DAP3: variants seen among roughly 807,000 people sequenced by gnomAD.
DAP3 encodes the protein small ribosomal subunit protein mS29.
Under a neutral mutation model 51.9 loss-of-function variants are expected in DAP3, and 28 were observed. The ratio of observed to expected loss-of-function variants is 0.54; its 90% CI spans 0.40 to 0.74. DAP3 has a LOEUF of 0.74. Among genes scored for constraint, DAP3 ranks in the 30% least tolerant of loss-of-function variants. DAP3 has a pLI of 0.00. For missense variants in DAP3, 458 were observed against 483.5 expected (o/e 0.95, Z 0.49); for synonymous variants, 170 against 170.3 (o/e 1.00, Z 0.01).
chr1:155,704,781 A>G (rs1655737864), intron 1 of DAP3, among the ~76,000 whole-genome samples: 1 of 152,034 alleles, frequency 6.6e-6, no homozygotes, highest in Non-Finnish European at 1.5e-5. Context: ...AAATTTTGAG[A>G]ACAGCCTAGC....
chr1:155,718,776 A>G (rs1159299044), intron 3 of DAP3, among the ~76,000 whole-genome samples: 2 of 152,086 alleles, frequency 1.3e-5, no homozygotes, highest in Non-Finnish European at 2.9e-5. Context: ...ATATATATAT[A>G]TACCATTCAC....
chr1:155,737,055 A>G lies in DAP3; in HGVS notation c.1103A>G (p.His368Arg). The G allele has an allele frequency of 6.2e-7, 1 of 1,609,830 alleles. No individual in the cohort carries two copies. Among genetic ancestry groups the G allele is most frequent in the Non-Finnish European group, 8.5e-7 (1 of 1,176,228 alleles). The part of the protein sequence containing the change: ...QYYLENNWLQ[H>R]EKAPTEEGKK... ...TATTTGGAAAACAATTGGCTTCAAC[A>G]TGAGAAAGGTCCATCATTTAGTTTT... The change falls in exon 12 of 13, where the codon CAT (histidine) becomes CGT (arginine). Residue 368 changes from histidine to arginine, a missense_variant. Physicochemically the swap from His to Arg is conservative, Grantham distance 29. Coordinates refer to ENST00000368336, the MANE Select transcript of DAP3 (RefSeq NM_004632.4).
intron 1 of DAP3, among the ~76,000 whole-genome samples, chr1:155,697,730 T>C (rs781500896): frequency 1.2e-4 from 18 of 152,116 alleles, no homozygotes; most frequent in Non-Finnish European, 2.6e-4. Flanking sequence ...GACGTTGATA[T>C]TGATAAACAT....
At chr1:155,688,083 C>T (rs1326068561), upstream of DAP3, 1 of 1,589,394 alleles carries the variant, frequency 6.3e-7, no homozygotes, top group Non-Finnish European at 8.6e-7. Flanking sequence ...TGTCGGAGGC[C>T]GAGAGCGATG....
At chr1:155,725,562 TG>T in intron 5 of DAP3, 72 bp downstream of exon 5, 1 of 1,419,012 alleles carries the variant, frequency 7.0e-7, no homozygotes, top group Non-Finnish European at 9.9e-7. Flanking sequence ...ACAGAAGAAA[TG>T]AAAAAAAGTA....
At chr1:155,717,211 T>C (rs1238732393) in intron 3 of DAP3, 83 bp downstream of exon 3, 10 of 1,569,506 alleles carry the variant, frequency 6.4e-6, no homozygotes, top group Non-Finnish European at 8.6e-6. Flanking sequence ...AAACTGAAAC[T>C]GAAAGAAGCT....
chr1:155,688,294 T>C (rs2666826), upstream of DAP3: 514,605 of 1,572,920 alleles, frequency 0.33, 95,258 homozygotes, highest in East Asian at 0.72. Context: ...CTGGGATCGT[T>C]TCCCCTCGCA....
At chr1:155,689,923 A>G (rs920911135) in intron 1 of DAP3, among the ~76,000 whole-genome samples, 1 of 151,994 alleles carries the variant, frequency 6.6e-6, no homozygotes, top group Middle Eastern at 3.2e-3. Flanking sequence ...ACACACACAC[A>G]CACACGAAAT....
intron 4 of DAP3, 115 bp downstream of exon 4, chr1:155,721,733 A>C: frequency 1.0e-6 from 1 of 985,480 alleles, no homozygotes; most frequent in Non-Finnish European, 1.6e-6. Context: ...TCTGAAAAAC[A>C]GAAATTCATG....
intron 1 of DAP3, among the ~76,000 whole-genome samples, chr1:155,703,113 T>C (rs554570755): frequency 2.3e-4 from 35 of 152,360 alleles, no homozygotes; most frequent in African/African-American, 8.4e-4. Flanking sequence ...TTTTCAAGAA[T>C]ACTTGGGCTA....
intron 3 of DAP3, among the ~76,000 whole-genome samples, 155 bp downstream of exon 3, chr1:155,717,283 C>T (rs548264051): frequency 6.6e-6 from 1 of 152,242 alleles, no homozygotes; most frequent in East Asian, 1.9e-4. Context: ...CCAGATTCTC[C>T]CTGTCCCTGT....
intron 1 of DAP3, among the ~76,000 whole-genome samples, chr1:155,697,289 C>T (rs879298369): frequency 1.2e-4 from 18 of 152,214 alleles, no homozygotes; most frequent in East Asian, 7.7e-4. Context: ...GTGGCCATTC[C>T]GGACATTTCT....
rs1348964961 is a variant in DAP3 at position 155,716,986 on chromosome 1, T to C, written c.46-20T>C. The C allele has an allele frequency of 1.9e-6, 3 of 1,602,732 alleles. No homozygotes were observed. The highest frequency in any genetic ancestry group is 1.1e-5 in the South Asian group (1 of 88,760). ...AAAAAGTTTGATAACCCCGTAACAC[T>C]GAAATGGTTTCTCTTATAGTTGGAC... On this transcript the variant is annotated intron_variant, in intron 2 of 12. Transcript: ENST00000368336.
At chr1:155,729,402 ATTTCTGATT>A in intron 9 of DAP3, 36 bp downstream of exon 9, 1 of 1,608,074 alleles carries the variant, frequency 6.2e-7, no homozygotes, top group Non-Finnish European at 8.5e-7. Context: ...TGTTTCTCTG[ATTTCTGATT>A]CCATCAGTAT....
At chr1:155,731,840 T>C in intron 10 of DAP3, 104 bp from the exon 11 acceptor site, 2 of 1,191,844 alleles carry the variant, frequency 1.7e-6, no homozygotes. Context: ...CACACTTTTG[T>C]AACACTGTAT....
At chr1:155,704,840 G>A (rs1320502910) in intron 1 of DAP3, among the ~76,000 whole-genome samples, 8 of 152,076 alleles carry the variant, frequency 5.3e-5, no homozygotes, top group Non-Finnish European at 1.0e-4. Flanking sequence ...ATAAGCTGGC[G>A]TGGTGGCGGG....
chr1:155,734,117 A>G (rs1659517955), intron 11 of DAP3, among the ~76,000 whole-genome samples: 1 of 152,028 alleles, frequency 6.6e-6, no homozygotes, highest in Non-Finnish European at 1.5e-5. Flanking sequence ...TGATTTTGCC[A>G]GTGTACTCCA....
At chr1:155,709,735 T>A in intron 1 of DAP3, 38 bp from the exon 2 acceptor site, 1 of 1,588,976 alleles carries the variant, frequency 6.3e-7, no homozygotes, top group South Asian at 1.1e-5. Context: ...TTTTCCCATT[T>A]GTGGTTTACC....
At chr1:155,737,550 C>G (rs1258988703) in intron 12 of DAP3, among the ~76,000 whole-genome samples, 1 of 152,164 alleles carries the variant, frequency 6.6e-6, no homozygotes, top group Non-Finnish European at 1.5e-5. Context: ...TGTTCATTTA[C>G]TTGCCCTTGA....
Sources: allele counts gnomAD v4.1 joint callset (sites outside exome capture counted in the v4.1 genomes callset), GRCh38; gene constraint gnomAD v4.1.1; transcripts MANE v1.5; gene names NCBI Gene and HGNC (gene_info 2026-07-23, HGNC 2026-07-21).